Variants in DAB1 observed in about 807,000 individuals in gnomAD.
DAB1 encodes DAB adaptor protein 1, also known as disabled homolog 1.
DAB1 carries 15 observed loss-of-function variants against 64.6 expected under a neutral mutation model. The observed-to-expected ratio is 0.23, with a 90% confidence interval of 0.16 to 0.36. DAB1 has a LOEUF of 0.36. Among genes scored for constraint, DAB1 ranks in the 10% least tolerant of loss-of-function variants. DAB1 has a pLI of 1.00. For synonymous variants in DAB1, 235 were observed against 251.9 expected, an observed-to-expected ratio of 0.93 and a Z score of 0.64; for missense variants, 596 against 706.7, an observed-to-expected ratio of 0.84 and a Z score of 1.78.
At chr1:57,030,506 G>C (rs781573475) in intron 9 of DAB1, among the ~76,000 whole-genome samples, 2 of 152,214 alleles carry the variant, frequency 1.3e-5, no homozygotes, top group African/African-American at 2.4e-5. Context: ...GAACAGAGTA[G>C]GTAGGTGGTA....
At chr1:57,915,541 T>C (rs1644713409) in intron 5 of DAB1, among the ~76,000 whole-genome samples, 1 of 151,680 alleles carries the variant, frequency 6.6e-6, no homozygotes, top group Non-Finnish European at 1.5e-5. Context: ...ACTTAAGACA[T>C]CAAAGCTGGC....
At chr1:57,306,633 A>G (rs1674209584) in intron 1 of DAB1, among the ~76,000 whole-genome samples, 1 of 151,906 alleles carries the variant, frequency 6.6e-6, no homozygotes, top group Non-Finnish European at 1.5e-5. Flanking sequence ...AAATTCGGAA[A>G]ACAGTTTAGA....
intron 4 of DAB1, among the ~76,000 whole-genome samples, chr1:58,292,006 C>T (rs1661853671): frequency 6.6e-6 from 1 of 152,154 alleles, no homozygotes; most frequent in Admixed American, 6.5e-5. Flanking sequence ...ATCATTCAAT[C>T]CATTGAGGCC....
At chr1:57,144,852 G>A (rs1658961670) in intron 3 of DAB1, among the ~76,000 whole-genome samples, 1 of 151,822 alleles carries the variant, frequency 6.6e-6, no homozygotes, top group Non-Finnish European at 1.5e-5. Flanking sequence ...AAGTGCTTGG[G>A]GTACATTTGT....
At chr1:57,534,307 G>A (rs1177106411) in intron 7 of DAB1, among the ~76,000 whole-genome samples, 2 of 152,166 alleles carry the variant, frequency 1.3e-5, no homozygotes, top group Non-Finnish European at 2.9e-5. Context: ...ACACCAAATT[G>A]CAAAAATGTG....
At chr1:58,506,295 T>C in intron 2 of DAB1, 4 of 685,168 alleles carry the variant, frequency 5.8e-6, no homozygotes, top group Non-Finnish European at 9.9e-6. Context: ...TTTAATTCTA[T>C]TATAATTATA....
chr1:57,461,032 C>T (rs1401290007), intron 7 of DAB1, among the ~76,000 whole-genome samples: 1 of 152,124 alleles, frequency 6.6e-6, no homozygotes, highest in Non-Finnish European at 1.5e-5. Context: ...AGCTATTTAT[C>T]CTGATGCTCT....
At chr1:58,127,777 C>T (rs1458443092) in intron 5 of DAB1, among the ~76,000 whole-genome samples, 3 of 151,248 alleles carry the variant, frequency 2.0e-5, no homozygotes, top group South Asian at 2.1e-4. Flanking sequence ...TGTAGATATG[C>T]GGTGTTATTT....
intron 6 of DAB1, among the ~76,000 whole-genome samples, chr1:57,693,143 C>A (rs1231070734): frequency 6.6e-6 from 1 of 152,146 alleles, no homozygotes; most frequent in Non-Finnish European, 1.5e-5. Context: ...TCCACTGGCC[C>A]TTTCACTGGC....
chr1:58,443,962 T>C (rs1645039332), intron 3 of DAB1, among the ~76,000 whole-genome samples: 1 of 152,228 alleles, frequency 6.6e-6, no homozygotes, highest in Admixed American at 6.5e-5. Flanking sequence ...TTTCCACATC[T>C]GTAAAATGAA....
intron 7 of DAB1, chr1:57,606,342 T>C (rs1352332164): frequency 7.2e-6 from 1 of 139,296 alleles, no homozygotes; most frequent in Non-Finnish European, 1.5e-5. Flanking sequence ...TGCATTCTTA[T>C]CTAAAGTTCT....
At chr1:57,792,990 T>A (rs895464779) in intron 6 of DAB1, among the ~76,000 whole-genome samples, 11 of 152,240 alleles carry the variant, frequency 7.2e-5, no homozygotes, top group East Asian at 1.9e-4. Flanking sequence ...ACAAAGCTAA[T>A]CTTTTCCTTT....
intron 5 of DAB1, among the ~76,000 whole-genome samples, chr1:58,117,562 T>C (rs1652413266): frequency 6.6e-6 from 1 of 152,168 alleles, no homozygotes; most frequent in South Asian, 2.1e-4. Context: ...GACGCTTCAT[T>C]GCGTGGCTTC....
At chr1:58,017,814 C>T (rs990630238) in intron 5 of DAB1, among the ~76,000 whole-genome samples, 1 of 152,194 alleles carries the variant, frequency 6.6e-6, no homozygotes, top group African/African-American at 2.4e-5. Flanking sequence ...ACTGGAGGCA[C>T]ATGAGCTCAT....
chr1:57,223,141 C>T (rs1369455790), intron 2 of DAB1, among the ~76,000 whole-genome samples: 1 of 152,172 alleles, frequency 6.6e-6, no homozygotes, highest in Non-Finnish European at 1.5e-5. Context: ...AAATGCCTCT[C>T]CTCCTTCAGT....
intron 4 of DAB1, among the ~76,000 whole-genome samples, chr1:58,204,354 G>A (rs1464518543): frequency 3.9e-5 from 6 of 152,104 alleles, no homozygotes; most frequent in South Asian, 2.1e-4. Context: ...ATTTCCTTTC[G>A]CAAATATGCA....
At chr1:57,664,715 C>G (rs1646426286) in intron 6 of DAB1, among the ~76,000 whole-genome samples, 1 of 151,962 alleles carries the variant, frequency 6.6e-6, no homozygotes, top group South Asian at 2.1e-4. Flanking sequence ...GATTCAGTAA[C>G]AGTGGTCTGG....
At chr1:57,320,059 C>T (rs1016382636) in intron 1 of DAB1, among the ~76,000 whole-genome samples, 6 of 152,110 alleles carry the variant, frequency 3.9e-5, no homozygotes, top group East Asian at 3.9e-4. Context: ...CTGTTATATC[C>T]GATAACAAAT....
chr1:57,134,735 C>A (rs1657935064), intron 4 of DAB1, among the ~76,000 whole-genome samples: 1 of 152,114 alleles, frequency 6.6e-6, no homozygotes, highest in Non-Finnish European at 1.5e-5. Context: ...AGATAATAGG[C>A]ATCATTGTTA....
Sources: allele counts gnomAD v4.1 joint callset (sites outside exome capture counted in the v4.1 genomes callset), GRCh38; gene constraint gnomAD v4.1.1; transcripts MANE v1.5; gene names NCBI Gene and HGNC (gene_info 2026-07-23, HGNC 2026-07-21).